DCK: variants seen among roughly 807,000 people sequenced by gnomAD.
The protein encoded by DCK is deoxyadenosine kinase.
A neutral mutation model predicts 38.3 loss-of-function variants in DCK; 23 were observed. The ratio of observed to expected loss-of-function variants is 0.60; its 90% confidence interval spans 0.43 to 0.85. The LOEUF (loss-of-function observed/expected upper bound fraction) is 0.85. Ranked by LOEUF, DCK falls within the 40% of genes least tolerant of loss-of-function variation. The pLI is 0.00. For synonymous variants in DCK, 108 were observed against 100.6 expected, an observed-to-expected ratio of 1.07 and a Z score of -0.44; for missense variants, 259 against 304.4, an observed-to-expected ratio of 0.85 and a Z score of 1.11.
At chr4:71,001,187 T>C (rs1313699649) in intron 2 of DCK, among the ~76,000 whole-genome samples, 1 of 152,216 alleles carries the variant, frequency 6.6e-6, no homozygotes, top group Non-Finnish European at 1.5e-5. Context: ...TGAGAGTTTT[T>C]AGCATGAAGG....
chr4:71,014,117 T>A (rs1740185556), intron 2 of DCK, among the ~76,000 whole-genome samples: 1 of 152,192 alleles, frequency 6.6e-6, no homozygotes. Context: ...GGTGTTGTAA[T>A]CCTAGTCTCT....
At chr4:71,023,037 T>G (rs769233227) in intron 3 of DCK, among the ~76,000 whole-genome samples, 4 of 152,194 alleles carry the variant, frequency 2.6e-5, no homozygotes, top group Non-Finnish European at 5.9e-5. Context: ...ACTATCGAGG[T>G]GTCCAAAGAG....
rs1335221136 is a variant in DCK at position 70,993,731 on chromosome 4, G to GCTAA, written c.-105_-104insCTAA. 1.3e-5 allele frequency: 10 copies of GCTAA among 741,288 alleles called. No homozygotes were observed. In the East Asian group the frequency reaches 1.7e-4, roughly 12 times the overall value. The allele number at this position is 741,288 out of a possible 1,614,324, so 45.9% of individuals were successfully genotyped here. A position where few individuals can be genotyped will look rare whatever the true frequency, so the allele number is the denominator to read the frequency against. ...GGTGAGCTCACTAGCTGACCCGGCA[G>GCTAA]GTCAGGATCTGGCTTAGCGGCGCCG... On this transcript the variant is annotated 5_prime_UTR_variant, in exon 1 of 7. Transcript: ENST00000286648.
In DCK at chr4:71,030,750, T is replaced by C. The variant is rs73827084; in HGVS notation, c.*1372T>C. On this transcript the variant is annotated 3_prime_UTR_variant, in exon 7 of 7. Coordinates refer to ENST00000286648, the MANE Select transcript of DCK (RefSeq NM_000788.3). ...ATTTATTCTACTTTTAAATAAATTA[T>C]GAATATTAAAGGTGAAAATTGTATA... 3.5e-3 allele frequency: 534 copies of C among 152,298 alleles called. 4 individuals carry two copies. Among genetic ancestry groups the C allele is most frequent in the African/African-American group, 0.011 (468 of 41,590 alleles). 9.4% of individuals were successfully genotyped at this position (152,298 alleles called of 1,614,324 possible).
intron 2 of DCK, among the ~76,000 whole-genome samples, chr4:71,015,202 G>C (rs1346430772): frequency 2.6e-5 from 4 of 152,056 alleles, no homozygotes; most frequent in Non-Finnish European, 4.4e-5. Flanking sequence ...ATAAATTCCT[G>C]GACACATACA....
intron 2 of DCK, among the ~76,000 whole-genome samples, chr4:71,002,020 ATTTG>A (rs1249684742): frequency 6.6e-6 from 1 of 151,894 alleles, no homozygotes; most frequent in Non-Finnish European, 1.5e-5. Flanking sequence ...TAGCTTTTGA[ATTTG>A]TTTGCTCTTG....
intron 2 of DCK, among the ~76,000 whole-genome samples, chr4:71,010,432 A>T (rs984192722): frequency 6.6e-6 from 1 of 151,060 alleles, no homozygotes; most frequent in South Asian, 2.1e-4. Context: ...GTTTTGATTT[A>T]ATTGTTTCCT....
chr4:71,013,595 G>T (rs1157995107), intron 2 of DCK, among the ~76,000 whole-genome samples: 1 of 152,108 alleles, frequency 6.6e-6, no homozygotes, highest in Non-Finnish European at 1.5e-5. Context: ...AGAGAGTGGG[G>T]GCCAATATTC....
At chr4:71,013,237 C>T (rs1281245883) in intron 2 of DCK, among the ~76,000 whole-genome samples, 3 of 152,188 alleles carry the variant, frequency 2.0e-5, no homozygotes, top group African/African-American at 4.8e-5. Flanking sequence ...TGAACAAAAC[C>T]TCCAAGAAAT....
chr4:70,993,781 G>C lies in DCK; in HGVS notation c.-55G>C. The C allele has an allele frequency of 7.6e-7, 1 of 1,321,542 alleles. No individual in the cohort carries two copies. Among genetic ancestry groups the C allele is most frequent in the African/African-American group, 1.5e-5 (1 of 68,958 alleles). 81.9% of individuals were successfully genotyped at this position (1,321,542 alleles called of 1,614,324 possible). A position where few individuals can be genotyped will look rare whatever the true frequency, so the allele number is the denominator to read the frequency against. On this transcript the variant is annotated 5_prime_UTR_variant, in exon 1 of 7. Coordinates refer to ENST00000286648, the MANE Select transcript of DCK (RefSeq NM_000788.3). ...GCGAGCTCCAGTGCGCGCACCCGTG[G>C]CCGCCTCCCAGCCCTCTTTGCCGGA... is the stretch of plus-strand genomic sequence containing the variant.
At chr4:71,019,078 A>G (rs970344895) in intron 2 of DCK, among the ~76,000 whole-genome samples, 1 of 152,202 alleles carries the variant, frequency 6.6e-6, no homozygotes, top group Non-Finnish European at 1.5e-5. Context: ...TATATGACTC[A>G]TAAGTTATCC....
At position 71,022,668 on chromosome 4, in the gene DCK, C is replaced by G. The variant is rs557083969; in HGVS notation, c.401+108C>G. 148 of 579,082 alleles carry G rather than the reference C, an allele frequency of 2.6e-4. 3 individuals carry two copies. Among genetic ancestry groups the G allele is most frequent in the Middle Eastern group, 2.0e-3 (5 of 2,454 alleles). The allele number at this position is 579,082 out of a possible 1,614,324, so 35.9% of individuals were successfully genotyped here. A position where few individuals can be genotyped will look rare whatever the true frequency, so the allele number is the denominator to read the frequency against. On this transcript the variant is annotated intron_variant, in intron 3 of 6. Transcript: ENST00000286648. ...GAATTAGTAATAATGAATGGCTGAG[C>G]TGGGGATTTAAGATGGAAAATGACA...
chr4:71,022,033 A>G (rs1388932736), intron 2 of DCK, among the ~76,000 whole-genome samples: 1 of 152,196 alleles, frequency 6.6e-6, no homozygotes, highest in Non-Finnish European at 1.5e-5. Context: ...GTAAATCCAA[A>G]TATTTTATGT....
At chr4:70,999,947 A>C (rs931916554) in intron 2 of DCK, among the ~76,000 whole-genome samples, 1 of 152,092 alleles carries the variant, frequency 6.6e-6, no homozygotes, top group Non-Finnish European at 1.5e-5. Context: ...GGTAGATTGC[A>C]AAAATTTTCT....
intron 2 of DCK, among the ~76,000 whole-genome samples, chr4:71,017,400 A>T (rs1412795164): frequency 6.6e-6 from 1 of 152,154 alleles, no homozygotes; most frequent in African/African-American, 2.4e-5. Flanking sequence ...AACTAGAAAT[A>T]CCATTTGACC....
intron 1 of DCK, 150 bp downstream of exon 1, chr4:70,994,076 C>T (rs907602129): frequency 1.5e-6 from 1 of 668,428 alleles, no homozygotes; most frequent in South Asian, 1.7e-5. Flanking sequence ...CTTTCCCACC[C>T]AGAGCATCCT....
intron 2 of DCK, among the ~76,000 whole-genome samples, chr4:71,006,859 T>A (rs764597447): frequency 6.6e-6 from 1 of 152,136 alleles, no homozygotes; most frequent in Non-Finnish European, 1.5e-5. Context: ...AATGGAAATG[T>A]ATGCTAACAA....
rs531007896 is a variant in DCK, at chr4:71,010,967, C to T, written c.208-11400C>T. Among the ~76,000 whole-genome samples the T allele has an allele frequency of 1.8e-4, 27 of 146,792 alleles. 1 individual carries two copies. In the East Asian group the frequency reaches 5.2e-3, roughly 28 times the overall value. On this transcript the variant is annotated intron_variant, in intron 2 of 6. Transcript: ENST00000286648. ...TTTTTTTTTTTTTGAGACGGAGTCT[C>T]GTTCTGTCGCTCAGGCTGAAGTGCA...
At chr4:71,001,719 G>A (rs565871156) in intron 2 of DCK, among the ~76,000 whole-genome samples, 14 of 152,222 alleles carry the variant, frequency 9.2e-5, no homozygotes, top group East Asian at 5.8e-4. Flanking sequence ...TTGGGAGGGC[G>A]TATGTGTCCA....
Sources: gnomAD v4.1 joint callset for allele counts (sites outside exome capture counted in the v4.1 genomes callset) on GRCh38, gnomAD v4.1.1 for gene constraint, MANE v1.5 for transcripts, NCBI Gene and HGNC (gene_info 2026-07-23, HGNC 2026-07-21) for gene names.